ATRNL1: variants seen among roughly 807,000 people sequenced by gnomAD.
ATRNL1 encodes attractin like 1, also known as attractin-like protein 1.
Under a neutral mutation model 182.7 loss-of-function variants are expected in ATRNL1, and 95 were observed. The ratio of observed to expected loss-of-function variants is 0.52; its 90% confidence interval spans 0.44 to 0.62. The LOEUF (loss-of-function observed/expected upper bound fraction) is 0.62, where lower values mean the gene tolerates loss of function less well. ATRNL1 is among the 20% of genes least tolerant of loss of function. The pLI, the probability that ATRNL1 is intolerant of heterozygous loss-of-function variation, is 0.00. For missense variants in ATRNL1, 1,471 were observed against 1,679.5 expected, an observed-to-expected ratio of 0.88 and a Z score of 2.17; for synonymous variants, 576 against 568.3, an observed-to-expected ratio of 1.01 and a Z score of -0.19.
intron 8 of ATRNL1, among the ~76,000 whole-genome samples, chr10:115,203,255 A>C (rs1185159173): frequency 6.6e-6 from 1 of 152,160 alleles, no homozygotes; most frequent in Admixed American, 6.6e-5. Context: ...CCACCAACAA[A>C]TGTAAACAAG....
rs58155967 is a variant in ATRNL1 at position 115,389,540 on chromosome 10, G to GTATATATATATA, written c.3176-5079_3176-5068dup. Among the ~76,000 whole-genome samples, 4 of 44,490 alleles carry GTATATATATATA rather than the reference G, an allele frequency of 9.0e-5. 2 individuals carry two copies. The highest frequency in any genetic ancestry group is 1.7e-4 in the Non-Finnish European group (4 of 23,666). 29.2% of individuals were successfully genotyped at this position (44,490 alleles called of 152,430 possible). ...CTGAATAGTATTCAAATGTGTATGT[G>GTATATATATATA]TATATATATATATATATATATATAT... is the stretch of plus-strand genomic sequence containing the variant. On this transcript the variant is annotated intron_variant, in intron 19 of 28. Transcript: ENST00000355044.
chr10:115,591,132 C>T (rs1051074398), intron 26 of ATRNL1, among the ~76,000 whole-genome samples: 1 of 152,202 alleles, frequency 6.6e-6, no homozygotes, highest in African/African-American at 2.4e-5. Context: ...CGTGTATACA[C>T]ACTAACATGT....
rs1434428071 is a variant in ATRNL1, at chr10:115,221,525, C to T, written c.1532+5645C>T. On this transcript the variant is annotated intron_variant, in intron 9 of 28. Transcript: ENST00000355044. ...AATTAGGAATTTTATTTGCCTAAAGCATGAGAGAACTATCAAAACCATGAG... is the reference window on the plus strand; with the variant it reads ...AATTAGGAATTTTATTTGCCTAAAGTATGAGAGAACTATCAAAACCATGAG... Among the ~76,000 whole-genome samples, 5 of 152,226 alleles carry T rather than the reference C, an allele frequency of 3.3e-5. No individual in the cohort carries two copies. The East Asian group carries it at 9.7e-4, about 29-fold the overall frequency.
At chr10:115,533,193 G>T (rs1851709446) in intron 25 of ATRNL1, among the ~76,000 whole-genome samples, 1 of 151,282 alleles carries the variant, frequency 6.6e-6, no homozygotes, top group South Asian at 2.1e-4. Flanking sequence ...GTTCCTCCTT[G>T]TACCTCTGGT....
chr10:115,526,663 A>G (rs1471760507), intron 25 of ATRNL1, among the ~76,000 whole-genome samples: 7 of 152,090 alleles, frequency 4.6e-5, no homozygotes, highest in Non-Finnish European at 7.4e-5. Context: ...CCTCATCTCC[A>G]TCTTACCTTC....
At chr10:115,416,169 A>G (rs919378070) in intron 20 of ATRNL1, among the ~76,000 whole-genome samples, 2 of 152,124 alleles carry the variant, frequency 1.3e-5, no homozygotes, top group Admixed American at 1.3e-4. Flanking sequence ...GAGGTGTCCT[A>G]CAAAAGAATA....
At chr10:115,216,503 A>G (rs561584612) in intron 9 of ATRNL1, among the ~76,000 whole-genome samples, 47 of 152,254 alleles carry the variant, frequency 3.1e-4, no homozygotes, top group African/African-American at 1.1e-3. Flanking sequence ...TATTGTAAAC[A>G]TCTTCTTATG....
chr10:115,926,585 C>A (rs1953241096), intron 28 of ATRNL1, among the ~76,000 whole-genome samples: 1 of 152,134 alleles, frequency 6.6e-6, no homozygotes, highest in African/African-American at 2.4e-5. Flanking sequence ...AATATCACCA[C>A]TGACCTCACA....
chr10:115,463,133 A>G (rs538797071), intron 22 of ATRNL1, among the ~76,000 whole-genome samples: 134 of 152,026 alleles, frequency 8.8e-4, no homozygotes, highest in African/African-American at 3.0e-3. Context: ...ATATATTAAT[A>G]CTATGACATT....
chr10:115,367,805 G>C (rs1437822001), intron 19 of ATRNL1, among the ~76,000 whole-genome samples: 20 of 142,496 alleles, frequency 1.4e-4, no homozygotes, highest in African/African-American at 5.1e-4. Flanking sequence ...TGCCCCTGCT[G>C]GGGGGTGCCT....
intron 19 of ATRNL1, among the ~76,000 whole-genome samples, chr10:115,364,783 G>A (rs1554945386): frequency 6.6e-6 from 1 of 151,750 alleles, no homozygotes. Context: ...ATAATAATGT[G>A]GTTTGTGTCT....
chr10:115,620,735 T>C (rs1404374681), intron 26 of ATRNL1, among the ~76,000 whole-genome samples: 2 of 152,214 alleles, frequency 1.3e-5, no homozygotes, highest in African/African-American at 4.8e-5. Flanking sequence ...ATTAAGGTAT[T>C]TCTGACCAAT....
intron 27 of ATRNL1, among the ~76,000 whole-genome samples, chr10:115,796,438 G>A (rs1949655847): frequency 6.6e-6 from 1 of 152,076 alleles, no homozygotes; most frequent in African/African-American, 2.4e-5. Flanking sequence ...AAAGGGAAGG[G>A]GAAGGGGAAA....
rs782781144 is a variant in ATRNL1, at chr10:115,460,924, T to C, written c.3323-1017T>C. Among the ~76,000 whole-genome samples the C allele has an allele frequency of 8.5e-5, 13 of 152,268 alleles. No individual in the cohort carries two copies. The South Asian group carries it at 2.5e-3, about 29-fold the overall frequency. Reference sequence around the variant, plus strand: ...TTGGCAGTCAGATGAAAATTGGAACTATGACCTACTGCATAATTCTCATTA... The same window carrying C: ...TTGGCAGTCAGATGAAAATTGGAACCATGACCTACTGCATAATTCTCATTA... On this transcript the variant is annotated intron_variant, in intron 21 of 28. Transcript: ENST00000355044.
intron 27 of ATRNL1, among the ~76,000 whole-genome samples, chr10:115,785,731 C>G (rs1555080273): frequency 6.6e-6 from 1 of 152,202 alleles, no homozygotes; most frequent in African/African-American, 2.4e-5. Flanking sequence ...TCATAAAGTG[C>G]TGGTTTGTTT....
intron 27 of ATRNL1, among the ~76,000 whole-genome samples, chr10:115,846,773 A>T (rs1950938043): frequency 6.6e-6 from 1 of 152,108 alleles, no homozygotes; most frequent in African/African-American, 2.4e-5. Context: ...GCATATGCAC[A>T]CATGTCATAA....
intron 26 of ATRNL1, among the ~76,000 whole-genome samples, chr10:115,716,118 T>C (rs1164255104): frequency 6.6e-6 from 1 of 152,190 alleles, no homozygotes; most frequent in East Asian, 1.9e-4. Context: ...TTTCACAAAA[T>C]CTTAAAAGCA....
chr10:115,853,460 G>A (rs1555101051), intron 28 of ATRNL1, among the ~76,000 whole-genome samples: 2 of 152,124 alleles, frequency 1.3e-5, no homozygotes, highest in Non-Finnish European at 2.9e-5. Flanking sequence ...GGGTCTGCTG[G>A]CTCACAGTGT....
chr10:115,823,088 C>G (rs189267441), intron 27 of ATRNL1, among the ~76,000 whole-genome samples: 291 of 152,302 alleles, frequency 1.9e-3, no homozygotes, highest in African/African-American at 6.7e-3. Flanking sequence ...TCACCACGAT[C>G]AAGTCAGCTT....
Sources: gnomAD v4.1 joint callset for allele counts (sites outside exome capture counted in the v4.1 genomes callset) on GRCh38, gnomAD v4.1.1 for gene constraint, MANE v1.5 for transcripts, NCBI Gene and HGNC (gene_info 2026-07-23, HGNC 2026-07-21) for gene names.